Variants in LRRC4C observed in about 807,000 individuals in gnomAD.
LRRC4C encodes the protein leucine rich repeat containing 4C.
Under a neutral mutation model 33.6 loss-of-function variants are expected in LRRC4C, and 5 were observed. That is an observed-to-expected ratio of 0.15 (90% CI 0.08 to 0.31). The LOEUF is 0.31. Ranked by LOEUF, LRRC4C falls within the 10% of genes least tolerant of loss-of-function variation. The pLI, the probability that LRRC4C is intolerant of heterozygous loss-of-function variation, is 1.00. For synonymous variants in LRRC4C, 329 were observed against 302.0 expected (o/e 1.09, Z -0.93); for missense variants, 560 against 796.7 (o/e 0.70, Z 3.58).
chr11:40,720,179 C>T (rs975678136), intron 2 of LRRC4C, among the ~76,000 whole-genome samples: 1 of 152,160 alleles, frequency 6.6e-6, no homozygotes, highest in East Asian at 1.9e-4. Flanking sequence ...ACTGTCTCAT[C>T]TCCTAACTTC....
At chr11:40,435,316 C>A (rs1392831928) in intron 3 of LRRC4C, among the ~76,000 whole-genome samples, 10 of 152,158 alleles carry the variant, frequency 6.6e-5, no homozygotes, top group Non-Finnish European at 1.5e-5. Context: ...GTTATAGCGC[C>A]AAACACTTGA....
At chr11:40,485,548 C>T (rs549818150) in intron 3 of LRRC4C, among the ~76,000 whole-genome samples, 44 of 151,992 alleles carry the variant, frequency 2.9e-4, no homozygotes, top group African/African-American at 1.0e-3. Context: ...GCTAAAACCA[C>T]CAAAAATGGC....
intron 1 of LRRC4C, among the ~76,000 whole-genome samples, chr11:40,960,237 T>C (rs1850884034): frequency 1.3e-5 from 2 of 151,814 alleles, no homozygotes; most frequent in Admixed American, 1.3e-4. Flanking sequence ...TTATAAAGTC[T>C]TTTGAAGGTT....
intron 1 of LRRC4C, among the ~76,000 whole-genome samples, chr11:41,406,744 A>ACACT (rs1555166861): frequency 4.0e-5 from 6 of 149,652 alleles, no homozygotes; most frequent in Admixed American, 4.0e-4. Context: ...ACACACACAC[A>ACACT]CACACACGCA....
chr11:41,110,343 C>T (rs760482180), intron 1 of LRRC4C, among the ~76,000 whole-genome samples: 16 of 151,958 alleles, frequency 1.1e-4, no homozygotes, highest in Middle Eastern at 3.2e-3. Context: ...TACTTAAAAC[C>T]AGCCATTTTC....
intron 3 of LRRC4C, among the ~76,000 whole-genome samples, chr11:40,327,437 C>T (rs1946154607): frequency 6.6e-6 from 1 of 152,156 alleles, no homozygotes; most frequent in African/African-American, 2.4e-5. Flanking sequence ...AGAAAAGGGC[C>T]TCTATTATTA....
At chr11:40,437,585 G>C (rs905947617) in intron 3 of LRRC4C, among the ~76,000 whole-genome samples, 5 of 151,792 alleles carry the variant, frequency 3.3e-5, no homozygotes, top group African/African-American at 1.2e-4. Context: ...GTAGAGACTC[G>C]GTTTCTCCAT....
At chr11:40,709,529 G>T (rs1205509638) in intron 2 of LRRC4C, among the ~76,000 whole-genome samples, 2 of 152,086 alleles carry the variant, frequency 1.3e-5, no homozygotes, top group African/African-American at 4.8e-5. Context: ...GTTGAATATT[G>T]ACCCCTACTC....
At chr11:41,271,350 A>G (rs911474515) in intron 1 of LRRC4C, among the ~76,000 whole-genome samples, 8 of 152,186 alleles carry the variant, frequency 5.3e-5, no homozygotes, top group Admixed American at 2.6e-4. Context: ...GAGTCTATGG[A>G]ACCTAACCTC....
chr11:41,341,037 G>A (rs1000870985), intron 1 of LRRC4C, among the ~76,000 whole-genome samples: 4 of 151,340 alleles, frequency 2.6e-5, no homozygotes, highest in African/African-American at 4.8e-5. Flanking sequence ...GAAATAAATG[G>A]GAAGGTAGAG....
intron 1 of LRRC4C, among the ~76,000 whole-genome samples, chr11:41,392,447 G>T (rs1233408996): frequency 6.6e-6 from 1 of 151,590 alleles, no homozygotes; most frequent in African/African-American, 2.4e-5. Context: ...CACTGGGAGA[G>T]AAGCCAAACA....
intron 3 of LRRC4C, among the ~76,000 whole-genome samples, chr11:40,565,721 G>A: frequency 6.6e-6 from 1 of 151,718 alleles, no homozygotes; most frequent in East Asian, 1.9e-4. Context: ...ATCTAATTCT[G>A]TCTTGCCATC....
chr11:40,668,306 T>C (rs1190362181), intron 2 of LRRC4C, among the ~76,000 whole-genome samples: 1 of 152,052 alleles, frequency 6.6e-6, no homozygotes, highest in African/African-American at 2.4e-5. Context: ...ATGGAAAGAG[T>C]TATGTTTGAT....
chr11:40,184,495 T>A (rs752953049), intron 5 of LRRC4C, among the ~76,000 whole-genome samples: 7 of 152,016 alleles, frequency 4.6e-5, no homozygotes, highest in Non-Finnish European at 7.4e-5. Context: ...CAGGCAAGAA[T>A]AAGGAAATAC....
rs543695021 is a variant in LRRC4C at position 41,003,963 on chromosome 11, G to C, written c.-495-70240C>G. Among the ~76,000 whole-genome samples the C allele has an allele frequency of 1.2e-4, 18 of 152,164 alleles. No individual in the cohort carries two copies. The South Asian group carries it at 3.5e-3, about 30-fold the overall frequency. ...TTCCAAAGTCTAGTGAATAAAGAAA[G>C]AGTGTGCTTATGGGCAGAAAATGGG... On this transcript the variant is annotated intron_variant, in intron 1 of 6. Transcript: ENST00000528697.
intron 2 of LRRC4C, among the ~76,000 whole-genome samples, chr11:40,693,039 C>T (rs4130244): frequency 0.6 from 91,783 of 151,834 alleles, 27,844 homozygotes; most frequent in East Asian, 0.71. Context: ...CACAGCCAGA[C>T]ACCAGATGAA....
At chr11:40,832,479 T>C (rs1952462526) in intron 2 of LRRC4C, among the ~76,000 whole-genome samples, 1 of 152,126 alleles carries the variant, frequency 6.6e-6, no homozygotes, top group South Asian at 2.1e-4. Flanking sequence ...AAAAAGTAGA[T>C]AGAAACACGA....
At chr11:40,665,358 A>G (rs1208266559) in intron 2 of LRRC4C, among the ~76,000 whole-genome samples, 11 of 14,486 alleles carry the variant, frequency 7.6e-4, no homozygotes, top group African/African-American at 1.8e-3. Context: ...ATATATATAT[A>G]TATATGTATA....
intron 1 of LRRC4C, among the ~76,000 whole-genome samples, chr11:41,442,437 C>A (rs1219191120): frequency 3.6e-5 from 5 of 140,018 alleles, no homozygotes; most frequent in Admixed American, 2.8e-4. Flanking sequence ...AGACACAGTT[C>A]TCTCTCTTTG....
Sources: gnomAD v4.1 joint callset for allele counts (sites outside exome capture counted in the v4.1 genomes callset) on GRCh38, gnomAD v4.1.1 for gene constraint, MANE v1.5 for transcripts, NCBI Gene and HGNC (gene_info 2026-07-23, HGNC 2026-07-21) for gene names.